Variants in FOXP1 observed in about 807,000 individuals in gnomAD.
FOXP1 encodes the protein forkhead box protein P1.
A neutral mutation model predicts 98.2 loss-of-function variants in FOXP1; 15 were observed. The observed-to-expected ratio is 0.15, with a 90% confidence interval of 0.10 to 0.24. The LOEUF (loss-of-function observed/expected upper bound fraction) is 0.24. Ranked by LOEUF, FOXP1 falls within the 10% of genes least tolerant of loss-of-function variation. FOXP1 has a pLI of 1.00. For missense variants in FOXP1, 633 were observed against 848.5 expected (o/e 0.75, Z 3.15); for synonymous variants, 371 against 314.5 (o/e 1.18, Z -1.90).
At chr3:71,041,985 AAT>A (rs371485873) in intron 10 of FOXP1, among the ~76,000 whole-genome samples, 2 of 152,220 alleles carry the variant, frequency 1.3e-5, no homozygotes, top group African/African-American at 4.8e-5. Context: ...TTTGTTATTA[AAT>A]ATAGTTTTTA....
intron 5 of FOXP1, chr3:71,210,875 C>T (rs905583200): frequency 6.6e-6 from 1 of 152,186 alleles, no homozygotes; most frequent in East Asian, 1.9e-4. Flanking sequence ...CAGCTCTTGT[C>T]CAGTTCTCCT....
chr3:71,390,901 C>T (rs1287076857), intron 3 of FOXP1, among the ~76,000 whole-genome samples: 1 of 152,222 alleles, frequency 6.6e-6, no homozygotes, highest in Non-Finnish European at 1.5e-5. Flanking sequence ...CCTCCCCAGG[C>T]CTGGCCTGTT....
chr3:71,418,034 A>T (rs1288277902), intron 3 of FOXP1, among the ~76,000 whole-genome samples: 1 of 151,216 alleles, frequency 6.6e-6, no homozygotes, highest in Non-Finnish European at 1.5e-5. Context: ...TTACTCACGA[A>T]GTTGCCAGTG....
chr3:71,126,448 T>C (rs1307693749), intron 6 of FOXP1, among the ~76,000 whole-genome samples: 1 of 151,826 alleles, frequency 6.6e-6, no homozygotes, highest in Non-Finnish European at 1.5e-5. Flanking sequence ...GAGATGACAC[T>C]ACTGTACTCT....
chr3:71,568,831 G>C (rs1378565196), intron 2 of FOXP1, among the ~76,000 whole-genome samples: 1 of 152,062 alleles, frequency 6.6e-6, no homozygotes, highest in Non-Finnish European at 1.5e-5. Flanking sequence ...ATTTTTAGTA[G>C]AGACGAGTTT....
intron 3 of FOXP1, among the ~76,000 whole-genome samples, chr3:71,415,606 T>A (rs2083152501): frequency 6.6e-6 from 1 of 151,810 alleles, no homozygotes; most frequent in African/African-American, 2.4e-5. Flanking sequence ...AATGGTCCCA[T>A]AACATCAAGT....
intron 3 of FOXP1, among the ~76,000 whole-genome samples, chr3:71,422,719 C>G (rs1047356077): frequency 1.3e-5 from 2 of 152,174 alleles, no homozygotes; most frequent in African/African-American, 4.8e-5. Context: ...CTGTACAGCT[C>G]CCACACTTCA....
At chr3:71,179,008 T>C (rs1482332768) in intron 6 of FOXP1, among the ~76,000 whole-genome samples, 2 of 116,140 alleles carry the variant, frequency 1.7e-5, no homozygotes, top group African/African-American at 4.0e-5. Flanking sequence ...AGGCACTCTG[T>C]CTAAAAAAAA....
At chr3:70,961,198 T>C (rs539745331) in intron 20 of FOXP1, among the ~76,000 whole-genome samples, 2 of 152,130 alleles carry the variant, frequency 1.3e-5, no homozygotes, top group East Asian at 3.9e-4. Flanking sequence ...TTGCATTACA[T>C]TACATTTTAT....
intron 11 of FOXP1, among the ~76,000 whole-genome samples, chr3:71,028,363 T>A (rs1219112766): frequency 6.6e-6 from 1 of 152,220 alleles, no homozygotes; most frequent in Non-Finnish European, 1.5e-5. Context: ...AGTACGGGTC[T>A]GGAACTTGTA....
At chr3:71,365,331 C>T (rs1288683) in intron 3 of FOXP1, among the ~76,000 whole-genome samples, 37,118 of 151,834 alleles carry the variant, frequency 0.24, 5,039 homozygotes, top group Non-Finnish European at 0.3. Flanking sequence ...CTCACTCACC[C>T]CATGCCTGGT....
chr3:71,481,045 A>G (rs71298389), intron 3 of FOXP1, among the ~76,000 whole-genome samples: 1 of 152,196 alleles, frequency 6.6e-6, no homozygotes, highest in Non-Finnish European at 1.5e-5. Context: ...ATATCACTAC[A>G]ATACATTGAT....
At chr3:71,353,505 G>C (rs2077937934) in intron 4 of FOXP1, among the ~76,000 whole-genome samples, 1 of 151,858 alleles carries the variant, frequency 6.6e-6, no homozygotes, top group Non-Finnish European at 1.5e-5. Context: ...CACTTACTTT[G>C]ACTGAAACTT....
Position 71,211,976 on chromosome 3 carries a change from T to C in FOXP1, c.-11-13584A>G, listed in dbSNP as rs535639218. ...AACCCTTTGTAGGTGAGAAAGACTT[T>C]TATAATGCATGTTATAAAACCTAAC... On this transcript the variant is annotated intron_variant, in intron 5 of 20. Transcript: ENST00000649528. 3.3e-3 allele frequency among the ~76,000 whole-genome samples: 504 copies of C among 152,360 alleles called. 2 individuals are homozygous for C. The highest frequency in any genetic ancestry group is 5.6e-3 in the Non-Finnish European group (380 of 68,038).
At chr3:71,379,576 AGAATGAATT>A (rs2079986947) in intron 3 of FOXP1, among the ~76,000 whole-genome samples, 1 of 150,406 alleles carries the variant, frequency 6.6e-6, no homozygotes, top group Admixed American at 6.8e-5. Context: ...CCACGAGCTA[AGAATGAATT>A]GTATGTTTTT....
At chr3:71,468,422 C>A (rs1158856450) in intron 3 of FOXP1, among the ~76,000 whole-genome samples, 1 of 152,160 alleles carries the variant, frequency 6.6e-6, no homozygotes, top group Non-Finnish European at 1.5e-5. Flanking sequence ...AAGACTCTTG[C>A]CATGTTCTCA....
intron 6 of FOXP1, among the ~76,000 whole-genome samples, chr3:71,182,355 T>A (rs944801737): frequency 6.6e-6 from 1 of 152,190 alleles, no homozygotes; most frequent in Non-Finnish European, 1.5e-5. Flanking sequence ...CTCTGCCATT[T>A]ATATATATCA....
At chr3:71,340,128 T>C (rs2076926925) in intron 4 of FOXP1, among the ~76,000 whole-genome samples, 1 of 152,208 alleles carries the variant, frequency 6.6e-6, no homozygotes, top group Admixed American at 6.5e-5. Context: ...CTTGCGTAGA[T>C]AACCCCCTGC....
chr3:71,036,229 G>A (rs983702254), intron 11 of FOXP1, among the ~76,000 whole-genome samples: 7 of 152,166 alleles, frequency 4.6e-5, no homozygotes, highest in Admixed American at 2.6e-4. Context: ...AAATGCAAGC[G>A]ACAGTAATAC....
Sources: allele counts gnomAD v4.1 joint callset (sites outside exome capture counted in the v4.1 genomes callset), GRCh38; gene constraint gnomAD v4.1.1; transcripts MANE v1.5; gene names NCBI Gene and HGNC (gene_info 2026-07-23, HGNC 2026-07-21).